PRKG1: variants seen among roughly 807,000 people sequenced by gnomAD.
PRKG1 encodes the protein cGMP-dependent protein kinase 1.
Under a neutral mutation model 88.1 loss-of-function variants are expected in PRKG1, and 35 were observed. The ratio of observed to expected loss-of-function variants is 0.40; its 90% confidence interval spans 0.30 to 0.53. PRKG1 has a LOEUF of 0.53. Among genes scored for constraint, PRKG1 ranks in the 20% least tolerant of loss-of-function variants. The probability of loss-of-function intolerance (pLI) is 0.59; values close to 1 mark genes in which losing one functional copy is unlikely to be tolerated. For synonymous variants in PRKG1, 303 were observed against 292.5 expected, an observed-to-expected ratio of 1.04 and a Z score of -0.37; for missense variants, 540 against 839.8, an observed-to-expected ratio of 0.64 and a Z score of 4.41.
intron 2 of PRKG1, among the ~76,000 whole-genome samples, chr10:51,450,160 A>G (rs1424730224): frequency 6.6e-6 from 1 of 151,086 alleles, no homozygotes; most frequent in Non-Finnish European, 1.5e-5. Flanking sequence ...ACATCCTTTT[A>G]TATATTTTAA....
At chr10:51,705,611 C>T (rs939595187) in intron 3 of PRKG1, among the ~76,000 whole-genome samples, 7 of 152,154 alleles carry the variant, frequency 4.6e-5, no homozygotes, top group African/African-American at 1.7e-4. Context: ...TTTATAAAGG[C>T]AAACTCTGAG....
chr10:51,790,003 G>A (rs1838827155), intron 3 of PRKG1, among the ~76,000 whole-genome samples: 1 of 152,036 alleles, frequency 6.6e-6, no homozygotes, highest in Non-Finnish European at 1.5e-5. Flanking sequence ...TCTATTTTTA[G>A]TAGAGATGGG....
intron 2 of PRKG1, among the ~76,000 whole-genome samples, chr10:51,284,566 G>C (rs1840384585): frequency 6.6e-6 from 1 of 152,182 alleles, no homozygotes; most frequent in Non-Finnish European, 1.5e-5. Flanking sequence ...TGTTATTAAA[G>C]GATATGTTTG....
intron 7 of PRKG1, among the ~76,000 whole-genome samples, chr10:52,065,580 T>C (rs1382040349): frequency 2.0e-5 from 3 of 152,168 alleles, no homozygotes; most frequent in Non-Finnish European, 4.4e-5. Flanking sequence ...TCAGGCTATA[T>C]TACCTTATGA....
chr10:51,962,574 C>T (rs79343325), intron 5 of PRKG1, among the ~76,000 whole-genome samples: 18,707 of 152,132 alleles, frequency 0.12, 1,311 homozygotes, highest in African/African-American at 0.18. Flanking sequence ...GTCATGGTCT[C>T]TTCCTGTGTT....
rs531897570 is a variant in PRKG1 at position 51,811,865 on chromosome 10, A to AT, written c.698+7181dup. 1.3e-3 allele frequency among the ~76,000 whole-genome samples: 192 copies of AT among 152,296 alleles called. 1 individual carries two copies. The highest frequency in any genetic ancestry group is 4.4e-3 in the African/African-American group (181 of 41,570). On this transcript the variant is annotated intron_variant, in intron 4 of 17. Transcript: ENST00000373980. ...TTTGGAATGGGGCCAGAAAATGTGCATTTTTTAAGTTCTCACCTGATGCTC... is the reference window on the plus strand; with the variant it reads ...TTTGGAATGGGGCCAGAAAATGTGCATTTTTTTAAGTTCTCACCTGATGCTC...
intron 3 of PRKG1, among the ~76,000 whole-genome samples, chr10:51,743,246 T>A (rs2132494339): frequency 6.6e-6 from 1 of 152,210 alleles, no homozygotes; most frequent in East Asian, 1.9e-4. Flanking sequence ...GTCTTTGGCC[T>A]CCCACAGACA....
At chr10:52,170,697 G>A (rs1423988106) in intron 9 of PRKG1, among the ~76,000 whole-genome samples, 1 of 152,066 alleles carries the variant, frequency 6.6e-6, no homozygotes, top group Non-Finnish European at 1.5e-5. Flanking sequence ...AAGCCCTCCT[G>A]TTTACAAATT....
rs115214436 is a variant in PRKG1, at chr10:52,256,215, T to G, written c.1173+4549T>G. ...TACACCTTTGCTTTAAAAAAATTCT[T>G]CTGGAATTCAAGAACCTGAATTAGA... On this transcript the variant is annotated intron_variant, in intron 10 of 17. Transcript: ENST00000373980. 6.4e-3 allele frequency among the ~76,000 whole-genome samples: 895 copies of G among 139,732 alleles called. 76 individuals are homozygous for G. The highest frequency in any genetic ancestry group is 0.021 in the African/African-American group (845 of 40,430). The allele number at this position is 139,732 out of a possible 152,430, so 91.7% of individuals were successfully genotyped here. A position where few individuals can be genotyped will look rare whatever the true frequency, so the allele number is the denominator to read the frequency against.
At chr10:51,268,785 G>A (rs2132172443) in intron 2 of PRKG1, among the ~76,000 whole-genome samples, 1 of 152,288 alleles carries the variant, frequency 6.6e-6, no homozygotes, top group East Asian at 1.9e-4. Flanking sequence ...ACAGGCATAG[G>A]AAATCACAAG....
intron 1 of PRKG1, among the ~76,000 whole-genome samples, chr10:51,150,018 C>T (rs1213459396): frequency 6.6e-6 from 1 of 151,802 alleles, no homozygotes; most frequent in African/African-American, 2.4e-5. Context: ...TTTAAAAAGC[C>T]ACACATTTTG....
chr10:51,690,645 G>C (rs1038143117), intron 3 of PRKG1, among the ~76,000 whole-genome samples: 1 of 151,932 alleles, frequency 6.6e-6, no homozygotes, highest in African/African-American at 2.4e-5. Context: ...AAAGAATTTT[G>C]GGCCGGGCGC....
At chr10:51,304,458 A>G (rs1285580889) in intron 2 of PRKG1, among the ~76,000 whole-genome samples, 1 of 152,072 alleles carries the variant, frequency 6.6e-6, no homozygotes, top group African/African-American at 2.4e-5. Context: ...TAAGACCCAG[A>G]GACACTTTAT....
intron 1 of PRKG1, among the ~76,000 whole-genome samples, chr10:51,011,618 C>A (rs1035369095): frequency 6.6e-6 from 1 of 152,060 alleles, no homozygotes; most frequent in Admixed American, 6.6e-5. Flanking sequence ...ATAAACATAT[C>A]AACATTTAAG....
intron 3 of PRKG1, among the ~76,000 whole-genome samples, chr10:51,528,739 G>C (rs949663551): frequency 1.3e-5 from 2 of 152,080 alleles, no homozygotes; most frequent in Non-Finnish European, 2.9e-5. Context: ...GTGAGTTACT[G>C]CATTAACCAT....
intron 9 of PRKG1, among the ~76,000 whole-genome samples, chr10:52,164,456 A>G (rs1334487986): frequency 2.0e-5 from 3 of 152,174 alleles, no homozygotes; most frequent in African/African-American, 4.8e-5. Context: ...GAATTTACAG[A>G]TTCCATGTCT....
intron 15 of PRKG1, 27 bp from the exon 16 acceptor site, chr10:52,288,904 T>G: frequency 6.3e-7 from 1 of 1,596,558 alleles, no homozygotes; most frequent in Non-Finnish European, 8.5e-7. Flanking sequence ...AAAATTAGAT[T>G]TAATAAAACC....
chr10:51,263,771 G>A (rs915246251), intron 2 of PRKG1, among the ~76,000 whole-genome samples: 2 of 152,204 alleles, frequency 1.3e-5, no homozygotes, highest in African/African-American at 4.8e-5. Flanking sequence ...ATAAATGCTA[G>A]TGCTAGTTGA....
chr10:51,893,833 G>A (rs1275913317), intron 4 of PRKG1, among the ~76,000 whole-genome samples: 3 of 152,146 alleles, frequency 2.0e-5, no homozygotes, highest in Non-Finnish European at 2.9e-5. Context: ...AGCTAGGAAG[G>A]GAAGGTGCTG....
Sources: allele counts gnomAD v4.1 joint callset (sites outside exome capture counted in the v4.1 genomes callset), GRCh38; gene constraint gnomAD v4.1.1; transcripts MANE v1.5; gene names NCBI Gene and HGNC (gene_info 2026-07-23, HGNC 2026-07-21).